The following SPDYE1 variants were observed in gnomAD, a reference collection of about 807,000 sequenced individuals.
The protein encoded by SPDYE1 is speedy protein E1.
A neutral mutation model predicts 45.9 loss-of-function variants in SPDYE1; 29 were observed. The observed-to-expected ratio is 0.63, with a 90% CI of 0.47 to 0.86. SPDYE1 has a LOEUF of 0.86. Among genes scored for constraint, SPDYE1 ranks in the 40% least tolerant of loss-of-function variants. The pLI is 0.00. For missense variants in SPDYE1, 346 were observed against 481.4 expected (o/e 0.72, Z 2.63); for synonymous variants, 134 against 176.8 (o/e 0.76, Z 1.92).
Position 44,001,178 on chromosome 7 carries a change from G to A in SPDYE1, c.273G>A (p.Glu91=). The change falls in exon 3 of 9, where the codon GAG becomes GAA. Residue 91 remains glutamate, a synonymous_variant. Transcript: ENST00000693451. ...EPEKELAPEP[E]ETWVVETLCG... is the part of the protein sequence containing the mutation. ...AGAAGGAGCTCGCCCCTGAGCCTGA[G>A]GAGACCTGGGTAGTGGAGACGCTGT... 4 of 1,598,422 alleles carry A rather than the reference G, an allele frequency of 2.5e-6. No individual in the cohort carries two copies. Among genetic ancestry groups the A allele is most frequent in the Non-Finnish European group, 3.4e-6 (4 of 1,179,882 alleles).
chr7:44,003,309 G>GTATTC (rs2096066524), intron 4 of SPDYE1, among the ~76,000 whole-genome samples: 1 of 146,468 alleles, frequency 6.8e-6, no homozygotes, highest in African/African-American at 2.6e-5. Flanking sequence ...TCAGGCCACT[G>GTATTC]CATTCCAGCC....
In SPDYE1 at chr7:44,007,538, C is replaced by T. The variant is rs1248552129; in HGVS notation, c.1023C>T (p.Phe341=). The T allele has an allele frequency of 1.2e-6, 2 of 1,613,528 alleles. No individual in the cohort carries two copies. The highest frequency in any genetic ancestry group is 1.7e-6 in the Non-Finnish European group (2 of 1,180,046). The change falls in exon 7 of 9, where the codon TTC becomes TTT. Residue 341 remains phenylalanine, a synonymous_variant. Transcript: ENST00000693451. ...TCCAGAAACGTCGGTTCCACTTCTT[C>T]TGTTCCATGAGCTGCAGGGCTTGGG... ...VLFQKRRFHF[F]CSMSCRAWVS...
At chr7:43,998,665 AT>A (rs889460036) in intron 1 of SPDYE1, among the ~76,000 whole-genome samples, 1 of 116,698 alleles carries the variant, frequency 8.6e-6, no homozygotes, top group South Asian at 3.6e-4. Flanking sequence ...TAACTCTTTT[AT>A]TTTTTATCAA....
At chr7:44,003,420 T>C (rs2096066743) in intron 4 of SPDYE1, among the ~76,000 whole-genome samples, 8 of 152,248 alleles carry the variant, frequency 5.3e-5, no homozygotes, top group Admixed American at 3.3e-4. Flanking sequence ...GAAAGTGGTT[T>C]CAGCTGTGCC....
At chr7:44,000,265 T>C (rs982171597) in intron 2 of SPDYE1, among the ~76,000 whole-genome samples, 156 bp downstream of exon 2, 18 of 150,236 alleles carry the variant, frequency 1.2e-4, no homozygotes, top group Admixed American at 3.3e-4. Flanking sequence ...CTGGCCAATA[T>C]GGTGAAACCC....
chr7:44,006,743 T>A (rs1344206658), intron 6 of SPDYE1, among the ~76,000 whole-genome samples: 4 of 152,204 alleles, frequency 2.6e-5, no homozygotes, highest in African/African-American at 9.6e-5. Flanking sequence ...GCCTCCTGAG[T>A]AGCTAGGCCT....
intron 6 of SPDYE1, among the ~76,000 whole-genome samples, chr7:44,005,840 CT>C (rs1459327288): frequency 6.6e-6 from 1 of 152,064 alleles, no homozygotes; most frequent in Non-Finnish European, 1.5e-5. Flanking sequence ...GTTCTTCTCT[CT>C]CTCTCCTTCC....
chr7:44,001,021 A>G lies in SPDYE1; in HGVS notation c.161-45A>G, dbSNP rs1245889324. ...GGGTTTTGGGTCGGGGTCTAAGGTGATCAGATGCAGAAGCATTACACAGTG... is the reference window on the plus strand; with the variant it reads ...GGGTTTTGGGTCGGGGTCTAAGGTGGTCAGATGCAGAAGCATTACACAGTG... On this transcript the variant is annotated intron_variant, in intron 2 of 8. Coordinates refer to ENST00000693451, the MANE Select transcript of SPDYE1 (RefSeq NM_001378423.2). 3.1e-6 allele frequency: 5 copies of G among 1,597,114 alleles called. No homozygotes were observed. In the South Asian group the frequency reaches 5.5e-5, roughly 18 times the overall value.
Position 44,009,353 on chromosome 7 carries a change from C to T in SPDYE1, c.*732C>T, listed in dbSNP as rs1290808024. 2 of 151,290 alleles carry T rather than the reference C, an allele frequency of 1.3e-5. No individual in the cohort carries two copies. Among genetic ancestry groups the T allele is most frequent in the Admixed American group, 6.6e-5 (1 of 15,104 alleles). 9.4% of individuals were successfully genotyped at this position (151,290 alleles called of 1,614,324 possible). A position where few individuals can be genotyped will look rare whatever the true frequency, so the allele number is the denominator to read the frequency against. On this transcript the variant is annotated 3_prime_UTR_variant, in exon 9 of 9. Transcript: ENST00000693451. ...TGTATTATTATATGTGCTCCTGAAGCGAGCACTCTTTTTATCTATGATACT... is the reference window on the plus strand; with the variant it reads ...TGTATTATTATATGTGCTCCTGAAGTGAGCACTCTTTTTATCTATGATACT...
chr7:44,004,273 A>C, intron 5 of SPDYE1: 1 of 359,284 alleles, frequency 2.8e-6, no homozygotes, highest in Non-Finnish European at 5.3e-6. Flanking sequence ...GACCTCAGGC[A>C]ATCCACCCAC....
chr7:44,003,917 G>A lies in SPDYE1; in HGVS notation c.666+6G>A. ...ATCTGAGGGTGTCGGACAAGGTAAG[G>A]TTGTTCTCCATGTAACTGTTCCTGT... On this transcript the variant is annotated splice_donor_region_variant and intron_variant, in intron 5 of 8. Coordinates refer to ENST00000693451, the MANE Select transcript of SPDYE1 (RefSeq NM_001378423.2). 1 of 1,198,224 alleles carries A rather than the reference G, an allele frequency of 8.3e-7. No individual in the cohort carries two copies. The highest frequency in any genetic ancestry group is 1.2e-6 in the Non-Finnish European group (1 of 823,002). The allele number at this position is 1,198,224 out of a possible 1,614,324, so 74.2% of individuals were successfully genotyped here. A position where few individuals can be genotyped will look rare whatever the true frequency, so the allele number is the denominator to read the frequency against.
intron 2 of SPDYE1, 56 bp from the exon 3 acceptor site, chr7:44,001,010 G>A: frequency 6.3e-7 from 1 of 1,596,988 alleles, no homozygotes; most frequent in Non-Finnish European, 8.5e-7. Context: ...TTTGGGTCGG[G>A]GTCTAAGGTG....
intron 2 of SPDYE1, among the ~76,000 whole-genome samples, chr7:44,000,448 G>C (rs1215692353): frequency 6.7e-6 from 1 of 150,282 alleles, no homozygotes; most frequent in East Asian, 2.0e-4. Flanking sequence ...GAAAAGAAAA[G>C]AAGGGTCAGC....
chr7:44,008,070 G>A (rs2128779903), intron 8 of SPDYE1, among the ~76,000 whole-genome samples: 1 of 152,330 alleles, frequency 6.6e-6, no homozygotes, highest in South Asian at 2.1e-4. Flanking sequence ...CTCCAGTCTG[G>A]GCGACAGAGT....
intron 6 of SPDYE1, 59 bp downstream of exon 6, chr7:44,005,286 G>C (rs1195898625): frequency 6.3e-7 from 1 of 1,578,340 alleles, no homozygotes; most frequent in Non-Finnish European, 8.7e-7. Context: ...AGCGGGGGAA[G>C]TGGGATTCCA....
intron 3 of SPDYE1, among the ~76,000 whole-genome samples, 181 bp from the exon 4 acceptor site, chr7:44,002,409 T>G (rs2096064894): frequency 6.6e-5 from 8 of 121,756 alleles, no homozygotes; most frequent in Admixed American, 1.7e-4. Flanking sequence ...AACGGGAGAA[T>G]GGGGAGGAGA....
chr7:44,005,921 C>T (rs1309445086), intron 6 of SPDYE1, among the ~76,000 whole-genome samples: 2 of 152,030 alleles, frequency 1.3e-5, no homozygotes, highest in East Asian at 1.9e-4. Flanking sequence ...AGGTCCCCCT[C>T]GCATCACTCG....
chr7:44,002,510 G>C, intron 3 of SPDYE1, 80 bp from the exon 4 acceptor site: 2 of 1,468,326 alleles, frequency 1.4e-6, no homozygotes, highest in Non-Finnish European at 1.8e-6. Flanking sequence ...GGAGGATGGA[G>C]AGTGGTTTGG....
chr7:44,007,903 TG>T, intron 8 of SPDYE1, 90 bp downstream of exon 8: 1 of 1,538,752 alleles, frequency 6.5e-7, no homozygotes, highest in Non-Finnish European at 8.7e-7. Flanking sequence ...GCTTCAAGCC[TG>T]GGCAACGTGG....
Sources: allele counts gnomAD v4.1 joint callset (sites outside exome capture counted in the v4.1 genomes callset), GRCh38; gene constraint gnomAD v4.1.1; transcripts MANE v1.5; gene names NCBI Gene and HGNC (gene_info 2026-07-23, HGNC 2026-07-21).